RPAP2: variants seen among roughly 807,000 people sequenced by gnomAD.
RPAP2 encodes the protein putative RNA polymerase II subunit B1 CTD phosphatase RPAP2.
A neutral mutation model predicts 73.1 loss-of-function variants in RPAP2; 52 were observed. The ratio of observed to expected loss-of-function variants is 0.71; its 90% CI spans 0.57 to 0.90. The LOEUF is 0.90. Among genes scored for constraint, RPAP2 ranks in the 40% least tolerant of loss-of-function variants. The pLI, the probability that RPAP2 is intolerant of heterozygous loss-of-function variation, is 0.00. For missense variants in RPAP2, 598 were observed against 701.8 expected, an observed-to-expected ratio of 0.85 and a Z score of 1.67; for synonymous variants, 225 against 242.1, an observed-to-expected ratio of 0.93 and a Z score of 0.65.
At position 92,395,510 on chromosome 1, in the gene RPAP2, C is replaced by T. The variant is rs1425153689; in HGVS notation, c.*8499C>T. On this transcript the variant is annotated 3_prime_UTR_variant, in exon 13 of 13. Transcript: ENST00000610020. ...AATTAACCAGGCATGGTGGCGTGCT[C>T]CTGTAGTCCTGGCTACTCAGAAGGC... is the stretch of plus-strand genomic sequence containing the variant. 6.6e-6 allele frequency: 1 copy of T among 151,774 alleles called. No homozygotes were observed. Among genetic ancestry groups the T allele is most frequent in the African/African-American group, 2.4e-5 (1 of 41,304 alleles). 9.4% of individuals were successfully genotyped at this position (151,774 alleles called of 1,614,324 possible).
intron 1 of RPAP2, among the ~76,000 whole-genome samples, chr1:92,299,464 G>A (rs1413955217): frequency 6.6e-6 from 1 of 152,162 alleles, no homozygotes; most frequent in Non-Finnish European, 1.5e-5. Flanking sequence ...CTAGGGCAGC[G>A]TTGGCAGCTG....
intron 11 of RPAP2, among the ~76,000 whole-genome samples, chr1:92,369,473 T>C (rs978189879): frequency 1.3e-5 from 2 of 152,072 alleles, no homozygotes; most frequent in Non-Finnish European, 2.9e-5. Context: ...CTCAACTAAT[T>C]TTTTTATTTT....
chr1:92,305,943 C>T (rs996095367), intron 5 of RPAP2, among the ~76,000 whole-genome samples: 1 of 151,870 alleles, frequency 6.6e-6, no homozygotes, highest in African/African-American at 2.4e-5. Context: ...TGGTATAAAC[C>T]CTAAAAAAAT....
chr1:92,318,273 A>G (rs1418589309), intron 6 of RPAP2, among the ~76,000 whole-genome samples: 1 of 152,170 alleles, frequency 6.6e-6, no homozygotes, highest in African/African-American at 2.4e-5. Flanking sequence ...TAGATAAGCT[A>G]TCTCATTTAA....
chr1:92,380,974 C>T, intron 12 of RPAP2, 101 bp downstream of exon 12: 1 of 939,424 alleles, frequency 1.1e-6, no homozygotes, highest in East Asian at 2.8e-5. Context: ...AAGTACAGAC[C>T]TCAAGATGCC....
rs188492820 is a variant in RPAP2 at position 92,330,521 on chromosome 1, C to T, written c.1456-2870C>T. The stretch of plus-strand genomic sequence containing the variant: ...GGAGTGCAATGGTGCCATCTTGGCT[C>T]ACTGCAAACTCCACCTCCTGGGTTC... On this transcript the variant is annotated intron_variant, in intron 8 of 12. Coordinates refer to ENST00000610020, the MANE Select transcript of RPAP2 (RefSeq NM_024813.3). Among the ~76,000 whole-genome samples, 175 of 132,620 alleles carry T rather than the reference C, an allele frequency of 1.3e-3. 1 individual carries two copies. The highest frequency in any genetic ancestry group is 4.7e-3 in the African/African-American group (168 of 35,556). 87.0% of individuals were successfully genotyped at this position (132,620 alleles called of 152,430 possible). A position where few individuals can be genotyped will look rare whatever the true frequency, so the allele number is the denominator to read the frequency against.
In RPAP2 at chr1:92,364,487, C is replaced by T. The variant is rs138535803; in HGVS notation, c.1689-16237C>T. On this transcript the variant is annotated intron_variant, in intron 11 of 12. Coordinates refer to ENST00000610020, the MANE Select transcript of RPAP2 (RefSeq NM_024813.3). Reference sequence around the variant, plus strand: ...TTCAGCTCTGACATCTCTCCTAAATCGTAGACCAAATTTTTTTTTATTTTT... The same window carrying T: ...TTCAGCTCTGACATCTCTCCTAAATTGTAGACCAAATTTTTTTTTATTTTT... 1.9e-3 allele frequency among the ~76,000 whole-genome samples: 284 copies of T among 152,170 alleles called. 1 individual carries two copies. The highest frequency in any genetic ancestry group is 6.1e-3 in the African/African-American group (253 of 41,522).
chr1:92,301,357 T>A (rs1650845673), intron 2 of RPAP2, 119 bp from the exon 3 acceptor site: 2 of 406,206 alleles, frequency 4.9e-6, no homozygotes, highest in Non-Finnish European at 4.3e-6. Context: ...TCAAAAAATT[T>A]TTTAAATATA....
chr1:92,350,012 C>G (rs546947482), intron 11 of RPAP2, among the ~76,000 whole-genome samples: 44 of 152,136 alleles, frequency 2.9e-4, no homozygotes, highest in Admixed American at 2.9e-3. Flanking sequence ...AGAAAAAAAT[C>G]TGACCAGTTG....
rs143021847 is a variant in RPAP2 at position 92,381,218 on chromosome 1, G to A, written c.1838+345G>A. 3.6e-3 allele frequency among the ~76,000 whole-genome samples: 541 copies of A among 152,182 alleles called. 4 individuals are homozygous for A. Among genetic ancestry groups the A allele is most frequent in the African/African-American group, 0.013 (522 of 41,494 alleles). On this transcript the variant is annotated intron_variant, in intron 12 of 12. Coordinates refer to ENST00000610020, the MANE Select transcript of RPAP2 (RefSeq NM_024813.3). ...AGGAAGTAGCAGTTTACTTCAACTC[G>A]GCTACTGCAGTGATCCATTGTGAAC... is the stretch of plus-strand genomic sequence containing the variant.
In RPAP2 at chr1:92,381,588, C is replaced by CTTTTTTTTTTTTTTTTTTTT. The variant is rs4000737; in HGVS notation, c.1838+731_1838+732insTTTTTTTTTTTTTTTTTTTT. Reference sequence around the variant, plus strand: ...AATGAGATTCTCTCAGGGAGATTTTCTTTTTTTTTTTTTTTTAACGTTTTT... The same window carrying CTTTTTTTTTTTTTTTTTTTT: ...AATGAGATTCTCTCAGGGAGATTTTCTTTTTTTTTTTTTTTTTTTTTTTTTTTTTTTTTTTTAACGTTTTT... On this transcript the variant is annotated intron_variant, in intron 12 of 12. Transcript: ENST00000610020. Among the ~76,000 whole-genome samples the CTTTTTTTTTTTTTTTTTTTT allele has an allele frequency of 1.4e-5, 2 of 139,368 alleles. 1 individual carries two copies. Among genetic ancestry groups the CTTTTTTTTTTTTTTTTTTTT allele is most frequent in the Non-Finnish European group, 3.1e-5 (2 of 65,366 alleles). The allele number at this position is 139,368 out of a possible 152,430, so 91.4% of individuals were successfully genotyped here. A position where few individuals can be genotyped will look rare whatever the true frequency, so the allele number is the denominator to read the frequency against.
chr1:92,301,660 C>A, intron 3 of RPAP2, 70 bp downstream of exon 3: 1 of 576,424 alleles, frequency 1.7e-6, no homozygotes, highest in South Asian at 3.5e-5. Flanking sequence ...CATGAAACTT[C>A]TTTGCATTAT....
At chr1:92,385,041 G>A (rs896791282) in intron 12 of RPAP2, among the ~76,000 whole-genome samples, 42 of 151,746 alleles carry the variant, frequency 2.8e-4, no homozygotes, top group African/African-American at 1.2e-4. Flanking sequence ...CCTACAGGTG[G>A]CACCTGCCTG....
rs1054273057 is a variant in RPAP2 at position 92,392,132 on chromosome 1, C to G, written c.*5121C>G. Reference sequence around the variant, plus strand: ...TGATGAACATCGATGCGAAAATCCTCAATAAAATACTGGCAAACCGAATCC... The same window carrying G: ...TGATGAACATCGATGCGAAAATCCTGAATAAAATACTGGCAAACCGAATCC... On this transcript the variant is annotated 3_prime_UTR_variant, in exon 13 of 13. Transcript: ENST00000610020. The G allele has an allele frequency of 1.3e-5, 2 of 152,208 alleles. No homozygotes were observed. The highest frequency in any genetic ancestry group is 6.5e-5 in the Admixed American group (1 of 15,276). 9.4% of individuals were successfully genotyped at this position (152,208 alleles called of 1,614,324 possible).
Position 92,299,059 on chromosome 1 carries a change from A to G in RPAP2, c.-15A>G, listed in dbSNP as rs1385948696. The G allele has an allele frequency of 7.6e-6, 11 of 1,454,028 alleles. No homozygotes were observed. In the South Asian group the frequency reaches 1.2e-4, roughly 16 times the overall value. 90.1% of individuals were successfully genotyped at this position (1,454,028 alleles called of 1,614,324 possible). ...ACGCCGGAGCGTGTCCCCGTCCGGC[A>G]GACTACTCTCCCCCATGGCGGACTT... is the stretch of plus-strand genomic sequence containing the variant. On this transcript the variant is annotated 5_prime_UTR_variant, in exon 1 of 13. Transcript: ENST00000610020.
At chr1:92,326,065 T>A (rs1023359776) in intron 8 of RPAP2, among the ~76,000 whole-genome samples, 4 of 151,998 alleles carry the variant, frequency 2.6e-5, no homozygotes, top group African/African-American at 9.7e-5. Context: ...TGGTGGGTTA[T>A]CGTATATGCA....
intron 11 of RPAP2, among the ~76,000 whole-genome samples, chr1:92,377,566 C>T (rs920466732): frequency 1.3e-5 from 2 of 148,544 alleles, no homozygotes; most frequent in African/African-American, 5.0e-5. Context: ...CATAGTTCCT[C>T]TAGGGCTTGT....
chr1:92,377,083 C>T (rs1655410503), intron 11 of RPAP2, among the ~76,000 whole-genome samples: 1 of 152,070 alleles, frequency 6.6e-6, no homozygotes, highest in African/African-American at 2.4e-5. Flanking sequence ...AGAGCTATTC[C>T]TCTACAGTAT....
rs780608112 is a variant in RPAP2, at chr1:92,323,843, G to A, written c.923G>A (p.Arg308Lys). Residue 308 changes from arginine (R) to lysine (K), a missense_variant, in exon 8 of 13, where the codon AGA (arginine) becomes AAA (lysine). Around this residue, in one of 3 missense-constraint regions of RPAP2, gnomAD observed 506 missense variants for 612.8 expected, o/e 0.83. Coordinates refer to ENST00000610020, the MANE Select transcript of RPAP2 (RefSeq NM_024813.3). Reference sequence around the variant, plus strand: ...TCTTCAAATAGCACTTTGCCTGAAAGATTAAAAGCGTCAGAAAATTCTGAA... The same window carrying A: ...TCTTCAAATAGCACTTTGCCTGAAAAATTAAAAGCGTCAGAAAATTCTGAA... ...QSSSNSTLPE[R>K]LKASENSESE... 3 of 1,613,962 alleles carry A rather than the reference G, an allele frequency of 1.9e-6. No individual in the cohort carries two copies. Among genetic ancestry groups the A allele is most frequent in the Non-Finnish European group, 1.7e-6 (2 of 1,179,936 alleles).
Sources: gnomAD v4.1 joint callset for allele counts (sites outside exome capture counted in the v4.1 genomes callset) on GRCh38, gnomAD v4.1.1 for gene constraint, gnomAD v4.1.1 regional missense constraint, MANE v1.5 for transcripts, NCBI Gene and HGNC (gene_info 2026-07-23, HGNC 2026-07-21) for gene names.